The following ATG10 variants were observed in gnomAD, a reference collection of about 807,000 sequenced individuals.
ATG10 encodes autophagy related 10.
A neutral mutation model predicts 32.1 loss-of-function variants in ATG10; 30 were observed. That is an observed-to-expected ratio of 0.94 (90% CI 0.70 to 1.27). The LOEUF is 1.27. Ranked by LOEUF, ATG10 falls within the 50% of genes most tolerant of loss-of-function variation. The pLI is 0.00. For synonymous variants in ATG10, 87 were observed against 91.5 expected (o/e 0.95, Z 0.28); for missense variants, 233 against 262.3 (o/e 0.89, Z 0.77).
chr5:82,220,905 G>A (rs1301859790), intron 5 of ATG10, among the ~76,000 whole-genome samples: 4 of 151,998 alleles, frequency 2.6e-5, no homozygotes, highest in African/African-American at 4.8e-5. Context: ...CTACAGGCAC[G>A]TGCCACCATG....
intron 3 of ATG10, among the ~76,000 whole-genome samples, chr5:82,084,039 A>G (rs1764579472): frequency 6.6e-6 from 1 of 152,244 alleles, no homozygotes; most frequent in Non-Finnish European, 1.5e-5. Context: ...TCTCTGAGCT[A>G]AAAGAGGATG....
intron 2 of ATG10, among the ~76,000 whole-genome samples, chr5:82,030,307 C>T (rs954521211): frequency 1.3e-5 from 2 of 151,976 alleles, no homozygotes; most frequent in Admixed American, 6.6e-5. Flanking sequence ...AGCCACTAGC[C>T]ACATGTGGTT....
intron 7 of ATG10, 90 bp from the exon 8 acceptor site, chr5:82,253,978 G>C (rs1352745081): frequency 6.5e-6 from 1 of 152,750 alleles, no homozygotes; most frequent in Non-Finnish European, 1.5e-5. Flanking sequence ...GGAATGGATA[G>C]TTTTATTTTA....
chr5:82,049,544 G>C (rs1763340122), intron 2 of ATG10, among the ~76,000 whole-genome samples: 1 of 151,174 alleles, frequency 6.6e-6, no homozygotes, highest in Admixed American at 6.6e-5. Context: ...AAAACTTAAA[G>C]TATAATAATA....
In ATG10 at chr5:82,042,713, T is replaced by G. The variant is rs112676138; in HGVS notation, c.109-15782T>G. 8.5e-3 allele frequency among the ~76,000 whole-genome samples: 1,293 copies of G among 152,296 alleles called. 4 individuals carry two copies. The highest frequency in any genetic ancestry group is 0.015 in the Non-Finnish European group (1,008 of 68,004). On this transcript the variant is annotated intron_variant, in intron 2 of 7. Transcript: ENST00000282185. ...CAAAACAAAGGGGCTACAGTCCCCA[T>G]GCAAGTCTGAAACCCAGCAGGGCAG...
chr5:82,031,113 T>C (rs1762731173), intron 2 of ATG10, among the ~76,000 whole-genome samples: 1 of 152,168 alleles, frequency 6.6e-6, no homozygotes, highest in Admixed American at 6.6e-5. Flanking sequence ...GGCAGCATGC[T>C]ATAGAAGTGG....
intron 2 of ATG10, among the ~76,000 whole-genome samples, chr5:82,052,232 A>G (rs1188153954): frequency 6.6e-6 from 1 of 152,164 alleles, no homozygotes; most frequent in Non-Finnish European, 1.5e-5. Context: ...TCTAGAGAAG[A>G]TCTTGTTAAA....
At chr5:82,009,967 C>T (rs1480182446) in intron 2 of ATG10, 1 of 1,611,608 alleles carries the variant, frequency 6.2e-7, no homozygotes, top group African/African-American at 1.3e-5. Flanking sequence ...AATCCTTTCT[C>T]TCCAGTGCTC....
chr5:82,161,696 A>AACCC (rs1743351694), intron 3 of ATG10, among the ~76,000 whole-genome samples: 1 of 129,664 alleles, frequency 7.7e-6, no homozygotes. Flanking sequence ...TTAGAGAATA[A>AACCC]ACACACACAC....
intron 5 of ATG10, among the ~76,000 whole-genome samples, chr5:82,197,919 C>T (rs1744929309): frequency 6.6e-6 from 1 of 152,126 alleles, no homozygotes; most frequent in South Asian, 2.1e-4. Context: ...AAGTCCATTT[C>T]TTGATCTATG....
chr5:81,998,295 A>T (rs777966374), intron 2 of ATG10, among the ~76,000 whole-genome samples: 1 of 152,224 alleles, frequency 6.6e-6, no homozygotes, highest in Non-Finnish European at 1.5e-5. Context: ...ACTAAGTTTC[A>T]TAAGTGAAGG....
intron 2 of ATG10, among the ~76,000 whole-genome samples, chr5:82,051,003 C>T (rs1460872574): frequency 6.6e-6 from 1 of 151,954 alleles, no homozygotes; most frequent in Non-Finnish European, 1.5e-5. Context: ...AGAGTAAGAC[C>T]CTATCTGTTA....
intron 3 of ATG10, among the ~76,000 whole-genome samples, chr5:82,138,412 T>C (rs908474371): frequency 6.6e-6 from 1 of 152,132 alleles, no homozygotes; most frequent in Non-Finnish European, 1.5e-5. Context: ...GGGAAGAGCA[T>C]AGTATCTGGG....
chr5:81,984,183 G>A (rs994181191), intron 1 of ATG10, among the ~76,000 whole-genome samples: 1 of 152,254 alleles, frequency 6.6e-6, no homozygotes, highest in Admixed American at 6.5e-5. Flanking sequence ...CCGGCACCTC[G>A]GGAGGCCGAG....
At chr5:81,973,613 CTATTCTT>C (rs1269675662) in intron 1 of ATG10, among the ~76,000 whole-genome samples, 1 of 152,140 alleles carries the variant, frequency 6.6e-6, no homozygotes, top group Non-Finnish European at 1.5e-5. Context: ...ACAATGGTCT[CTATTCTT>C]TAGTGGCAAA....
chr5:82,220,631 C>G (rs1745882982), intron 5 of ATG10, among the ~76,000 whole-genome samples: 1 of 151,006 alleles, frequency 6.6e-6, no homozygotes, highest in African/African-American at 2.4e-5. Flanking sequence ...CTCTCTCTCT[C>G]TCTCTTTTTT....
intron 1 of ATG10, among the ~76,000 whole-genome samples, chr5:81,981,265 A>T (rs1269208133): frequency 6.6e-6 from 1 of 152,204 alleles, no homozygotes; most frequent in African/African-American, 2.4e-5. Flanking sequence ...TCCCTTTGAA[A>T]GTATCCCAGG....
intron 3 of ATG10, among the ~76,000 whole-genome samples, chr5:82,128,759 A>T (rs1368374119): frequency 6.8e-6 from 1 of 147,026 alleles, no homozygotes; most frequent in African/African-American, 2.5e-5. Flanking sequence ...CTTTGTGGGT[A>T]ACCCGACCTT....
chr5:82,249,719 T>C (rs1051261380), intron 5 of ATG10, among the ~76,000 whole-genome samples: 4 of 152,190 alleles, frequency 2.6e-5, no homozygotes, highest in African/African-American at 7.2e-5. Context: ...GTCTTAACCA[T>C]AGAGCTCATG....
Sources: allele counts gnomAD v4.1 joint callset (sites outside exome capture counted in the v4.1 genomes callset), GRCh38; gene constraint gnomAD v4.1.1; transcripts MANE v1.5; gene names NCBI Gene and HGNC (gene_info 2026-07-23, HGNC 2026-07-21).